CLN5: variants seen among roughly 807,000 people sequenced by gnomAD.
CLN5 encodes CLN5 lysosomal BMP synthase.
In CLN5, 34 loss-of-function variants were observed where a neutral mutation model predicts 36.7. That is an observed-to-expected ratio of 0.93 (90% CI 0.71 to 1.23). CLN5 has a LOEUF of 1.23. Ranked by LOEUF, CLN5 falls within the 50% of genes most tolerant of loss-of-function variation. CLN5 has a pLI of 0.00. For missense variants in CLN5, 427 were observed against 439.4 expected (o/e 0.97, Z 0.25); for synonymous variants, 151 against 155.1 (o/e 0.97, Z 0.20).
rs2034358513 is a variant in CLN5 at position 77,001,252 on chromosome 13, T to C, written c.*283T>C. 1 of 266,944 alleles carries C rather than the reference T, an allele frequency of 3.7e-6. No homozygotes were observed. The highest frequency in any genetic ancestry group is 7.1e-6 in the Non-Finnish European group (1 of 140,184). 16.5% of individuals were successfully genotyped at this position (266,944 alleles called of 1,614,324 possible). The stretch of plus-strand genomic sequence containing the variant: ...GGTTCATATCAGTTATGTAGGACCT[T>C]TGGACCCAGGGTCCTACAGATAGAT... On this transcript the variant is annotated 3_prime_UTR_variant, in exon 4 of 4. Transcript: ENST00000377453.
intron 3 of CLN5, chr13:76,998,878 G>A (rs1292732878): frequency 1.3e-5 from 2 of 152,114 alleles, no homozygotes; most frequent in Non-Finnish European, 2.9e-5. Flanking sequence ...TTTCATTCCA[G>A]GCCAGTTCAC....
At chr13:76,994,844 C>T in intron 1 of CLN5, 3 of 481,102 alleles carry the variant, frequency 6.2e-6, no homozygotes, top group East Asian at 3.8e-5. Context: ...GATCAGGGAA[C>T]AGGGAAGCCC....
intron 3 of CLN5, chr13:76,998,169 T>C (rs2034299796): frequency 6.6e-6 from 1 of 152,264 alleles, no homozygotes; most frequent in Non-Finnish European, 1.5e-5. Flanking sequence ...AAAATGTATA[T>C]GATCTTATAT....
rs903641684 is a variant in CLN5 at position 77,004,013 on chromosome 13, TCTC to T, written c.*3048_*3050del. On this transcript the variant is annotated 3_prime_UTR_variant, in exon 4 of 4. Coordinates refer to ENST00000377453, the MANE Select transcript of CLN5 (RefSeq NM_006493.4). The stretch of plus-strand genomic sequence containing the variant: ...TGACTAGGGCTTTAGAGTGAATATA[TCTC>T]CTCATTAATCTGGCACAAAATTAGT... 5 of 152,182 alleles carry T rather than the reference TCTC, an allele frequency of 3.3e-5. No homozygotes were observed. The highest frequency in any genetic ancestry group is 4.8e-5 in the African/African-American group (2 of 41,446). 9.4% of individuals were successfully genotyped at this position (152,182 alleles called of 1,614,324 possible).
chr13:76,996,295 A>G, intron 3 of CLN5, 168 bp downstream of exon 3: 1 of 615,870 alleles, frequency 1.6e-6, no homozygotes, highest in Non-Finnish European at 2.8e-6. Flanking sequence ...TCTTATTTGT[A>G]TTTTTTATTT....
chr13:76,999,136 C>G (rs2154035015), intron 3 of CLN5: 1 of 152,322 alleles, frequency 6.6e-6, no homozygotes, highest in East Asian at 1.9e-4. Context: ...AGAACAGTAT[C>G]CCCAGTTCTA....
chr13:76,993,036 C>G (rs2034207165), intron 1 of CLN5: 1 of 152,180 alleles, frequency 6.6e-6, no homozygotes, highest in Admixed American at 6.5e-5. Flanking sequence ...TTTCTTTAAA[C>G]CAAAAGCATC....
At chr13:76,994,939 T>C in intron 1 of CLN5, 124 bp from the exon 2 acceptor site, 1 of 785,328 alleles carries the variant, frequency 1.3e-6, no homozygotes, top group South Asian at 1.7e-5. Context: ...AATGTGTGTT[T>C]ATATTTATTA....
At chr13:76,998,737 G>C (rs1381828246) in intron 3 of CLN5, 1 of 152,144 alleles carries the variant, frequency 6.6e-6, no homozygotes, top group Non-Finnish European at 1.5e-5. Flanking sequence ...ATAAAACTGA[G>C]GTCTTTTAAA....
rs1289778980 is a variant in CLN5 at position 77,004,889 on chromosome 13, A to C, written c.*3920A>C. On this transcript the variant is annotated 3_prime_UTR_variant, in exon 4 of 4. Transcript: ENST00000377453. Reference sequence around the variant, plus strand: ...ATGAAAATAATTTCAATAGTTGAAAAACTATTCTAATTTATATAAAGACAT... The same window carrying C: ...ATGAAAATAATTTCAATAGTTGAAACACTATTCTAATTTATATAAAGACAT... 2 of 152,220 alleles carry C rather than the reference A, an allele frequency of 1.3e-5. No individual in the cohort carries two copies. The highest frequency in any genetic ancestry group is 2.9e-5 in the Non-Finnish European group (2 of 68,040). 9.4% of individuals were successfully genotyped at this position (152,220 alleles called of 1,614,324 possible).
intron 1 of CLN5, 171 bp downstream of exon 1, chr13:76,992,442 G>A (rs2034197037): frequency 1.4e-6 from 1 of 737,340 alleles, no homozygotes; most frequent in South Asian, 1.9e-5. Flanking sequence ...TTGAGGACTG[G>A]GGAGTCGCAG....
rs1312706135 is a variant in CLN5, at chr13:77,000,531, T to A, written c.639T>A (p.Asn213Lys). The A allele has an allele frequency of 1.2e-6, 2 of 1,613,942 alleles. No homozygotes were observed. The highest frequency in any genetic ancestry group is 1.7e-5 in the Admixed American group (1 of 59,988). The change falls in exon 4 of 4, where the codon AAT becomes AAA. Residue 213 changes from asparagine (N) to lysine (K), a missense_variant. By Grantham distance (94) the Asn-to-Lys change is moderately conservative (BLOSUM62 0). Transcript: ENST00000377453. ...CAGGAATTTATTATGAGACATGGAA[T>A]GTAAAAGCCAGCCCAGAAAAGGGGG... ...NETGIYYETW[N>K]VKASPEKGAE...
intron 3 of CLN5, chr13:76,997,787 G>T (rs2034293571): frequency 6.6e-6 from 1 of 152,132 alleles, no homozygotes; most frequent in Admixed American, 6.5e-5. Context: ...TCATAAAAAT[G>T]AATAAAATGA....
intron 3 of CLN5, chr13:76,998,259 A>G (rs1425702579): frequency 2.0e-5 from 3 of 152,174 alleles, no homozygotes; most frequent in Non-Finnish European, 4.4e-5. Context: ...AGTTGCTGAA[A>G]GTTGGAATTG....
Position 76,996,034 on chromosome 13 carries a change from T to A in CLN5, c.472T>A (p.Trp158Arg). 3 of 1,614,186 alleles carry A rather than the reference T, an allele frequency of 1.9e-6. No individual in the cohort carries two copies. Among genetic ancestry groups the A allele is most frequent in the Non-Finnish European group, 2.5e-6 (3 of 1,180,004 alleles). The part of the protein sequence containing the change: ...HLRPEMDAPF[W>R]CNQGAACFFE... ...CCGACCTGAAATGGATGCCCCTTTC[T>A]GGTGTAATCAAGGCGCTGCCTGCTT... The change falls in exon 3 of 4, where the codon TGG becomes AGG. Residue 158 changes from tryptophan (W) to arginine (R), a missense_variant. Coordinates refer to ENST00000377453, the MANE Select transcript of CLN5 (RefSeq NM_006493.4).
rs184304186 is a variant in CLN5 at position 77,002,819 on chromosome 13, A to G, written c.*1850A>G. ...ACTCAGGCAACACGAACTTCTACCA[A>G]ACTCAGGAAATTGCTCTGGAAAAAC... On this transcript the variant is annotated 3_prime_UTR_variant, in exon 4 of 4. Coordinates refer to ENST00000377453, the MANE Select transcript of CLN5 (RefSeq NM_006493.4). 1.8e-3 allele frequency: 274 copies of G among 152,320 alleles called. 1 individual carries two copies. The highest frequency in any genetic ancestry group is 6.5e-3 in the African/African-American group (270 of 41,562). The allele number at this position is 152,320 out of a possible 1,614,324, so 9.4% of individuals were successfully genotyped here. A position where few individuals can be genotyped will look rare whatever the true frequency, so the allele number is the denominator to read the frequency against.
intron 3 of CLN5, chr13:76,996,827 T>C (rs1216530751): frequency 6.6e-6 from 1 of 152,262 alleles, no homozygotes; most frequent in East Asian, 1.9e-4. Flanking sequence ...AGTACTGGGA[T>C]TGCTGGATCA....
Position 77,000,761 on chromosome 13 carries a change from G to T in CLN5, c.869G>T (p.Arg290Ile), listed in dbSNP as rs770688728. 16 of 1,613,810 alleles carry T rather than the reference G, an allele frequency of 9.9e-6. No homozygotes were observed. The highest frequency in any genetic ancestry group is 1.3e-5 in the Non-Finnish European group (15 of 1,179,924). Residue 290 changes from arginine to isoleucine, a missense_variant, in exon 4 of 4, where the codon AGA becomes ATA. Arg to Ile is a moderately conservative substitution (Grantham distance 97). Transcript: ENST00000377453. Reference protein sequence around the residue: ...GNKTLGLAIKRFYYPFKPHLP... With the variant: ...GNKTLGLAIKIFYYPFKPHLP... Reference sequence around the variant, plus strand: ...AAGACTCTTGGTTTAGCCATAAAAAGATTTTATTACCCCTTCAAACCACAT... The same window carrying T: ...AAGACTCTTGGTTTAGCCATAAAAATATTTTATTACCCCTTCAAACCACAT...
Position 77,004,542 on chromosome 13 carries a change from A to C in CLN5, c.*3573A>C, listed in dbSNP as rs996208221. ...GAGTAAAAGGCTTTGTGCCCTTTTT[A>C]AAGTTGGGTGTCAGCAAGCAGCTGG... On this transcript the variant is annotated 3_prime_UTR_variant, in exon 4 of 4. Transcript: ENST00000377453. 1 of 152,156 alleles carries C rather than the reference A, an allele frequency of 6.6e-6. No homozygotes were observed. The highest frequency in any genetic ancestry group is 6.5e-5 in the Admixed American group (1 of 15,278). 9.4% of individuals were successfully genotyped at this position (152,156 alleles called of 1,614,324 possible).
Sources: allele counts gnomAD v4.1 joint callset, GRCh38; gene constraint gnomAD v4.1.1; transcripts MANE v1.5; gene names NCBI Gene and HGNC (gene_info 2026-07-23, HGNC 2026-07-21).